Variants in FNBP1 observed in about 807,000 individuals in gnomAD.
FNBP1 encodes formin-binding protein 1.
In FNBP1, 26 loss-of-function variants were observed where a neutral mutation model predicts 90.6. That is an observed-to-expected ratio of 0.29 (90% confidence interval 0.21 to 0.40). The LOEUF (loss-of-function observed/expected upper bound fraction) is 0.40, where lower values mean the gene tolerates loss of function less well. Among genes scored for constraint, FNBP1 ranks in the 10% least tolerant of loss-of-function variants. The pLI, the probability that FNBP1 is intolerant of heterozygous loss-of-function variation, is 1.00. For missense variants in FNBP1, 635 were observed against 768.0 expected, an observed-to-expected ratio of 0.83 and a Z score of 2.05; for synonymous variants, 260 against 265.2, an observed-to-expected ratio of 0.98 and a Z score of 0.19.
intron 2 of FNBP1, among the ~76,000 whole-genome samples, chr9:129,994,001 C>T (rs7033590): frequency 0.97 from 147,508 of 152,270 alleles, 71,632 homozygotes; most frequent in East Asian, 1. Flanking sequence ...TACAAGCACA[C>T]TGGAAATGGC....
chr9:129,942,932 A>G (rs2044550482), intron 6 of FNBP1, among the ~76,000 whole-genome samples: 1 of 151,592 alleles, frequency 6.6e-6, no homozygotes, highest in Admixed American at 6.6e-5. Context: ...GGCTCAAGCA[A>G]TCCTCCTGCC....
intron 2 of FNBP1, among the ~76,000 whole-genome samples, chr9:129,981,050 C>CA (rs71385498): frequency 5.6e-4 from 67 of 120,464 alleles, no homozygotes; most frequent in African/African-American, 1.7e-3. Context: ...GACTCCGTCT[C>CA]AAAAAAAAAA....
At position 130,012,589 on chromosome 9, in the gene FNBP1, A is replaced by G. The variant is rs190509707; in HGVS notation, c.25-17631T>C. Among the ~76,000 whole-genome samples, 334 of 152,284 alleles carry G rather than the reference A, an allele frequency of 2.2e-3. 1 individual carries two copies. Among genetic ancestry groups the G allele is most frequent in the Non-Finnish European group, 4.2e-3 (287 of 68,014 alleles). Reference sequence around the variant, plus strand: ...GGCTATAAAACTTTTAGGAGACAATATAGGATAATATCTTTTGGATCCTGA... The same window carrying G: ...GGCTATAAAACTTTTAGGAGACAATGTAGGATAATATCTTTTGGATCCTGA... On this transcript the variant is annotated intron_variant, in intron 1 of 16. Coordinates refer to ENST00000446176, the MANE Select transcript of FNBP1 (RefSeq NM_015033.3).
At chr9:130,019,013 T>C (rs2057540833) in intron 1 of FNBP1, among the ~76,000 whole-genome samples, 1 of 152,008 alleles carries the variant, frequency 6.6e-6, no homozygotes, top group Non-Finnish European at 1.5e-5. Flanking sequence ...TCGCCTGAGC[T>C]CATAAGTTCA....
intron 12 of FNBP1, among the ~76,000 whole-genome samples, chr9:129,908,448 T>G (rs944651557): frequency 2.0e-5 from 3 of 149,064 alleles, no homozygotes; most frequent in African/African-American, 7.4e-5. Flanking sequence ...CAAGCGATCT[T>G]CCTGCCTCAG....
chr9:129,929,267 G>A (rs1482869774), intron 7 of FNBP1, among the ~76,000 whole-genome samples: 3 of 151,588 alleles, frequency 2.0e-5, no homozygotes, highest in Admixed American at 6.6e-5. Flanking sequence ...AAAATTAGCC[G>A]GGCCCAGTGG....
intron 2 of FNBP1, among the ~76,000 whole-genome samples, chr9:129,992,846 C>G (rs1021788798): frequency 6.7e-6 from 1 of 150,004 alleles, no homozygotes; most frequent in Admixed American, 6.6e-5. Context: ...GCCACTGCGC[C>G]CAGCCAAGAA....
intron 6 of FNBP1, among the ~76,000 whole-genome samples, chr9:129,951,664 C>G (rs1256046368): frequency 6.6e-6 from 1 of 151,864 alleles, no homozygotes; most frequent in Admixed American, 6.6e-5. Flanking sequence ...AGGCTTGTCT[C>G]AAACTCCTGG....
rs755578894 is a variant in FNBP1, at chr9:129,916,022, AAGAG to A, written c.1171-46_1171-43del. ...GAGAGGTATGGGAAAAATAGAGAGA[AAGAG>A]AGAGAGAAAGAGAAAAAAAAACAAC... On this transcript the variant is annotated intron_variant, in intron 10 of 16. Transcript: ENST00000446176. The A allele has an allele frequency of 8.8e-6, 13 of 1,480,094 alleles. No homozygotes were observed. In the South Asian group the frequency reaches 1.4e-4, roughly 16 times the overall value. 91.7% of individuals were successfully genotyped at this position (1,480,094 alleles called of 1,614,324 possible).
At chr9:129,970,957 G>A (rs924539945) in intron 4 of FNBP1, among the ~76,000 whole-genome samples, 1 of 152,078 alleles carries the variant, frequency 6.6e-6, no homozygotes, top group Non-Finnish European at 1.5e-5. Flanking sequence ...TGCAATCTTG[G>A]CTCACTGCAA....
intron 1 of FNBP1, among the ~76,000 whole-genome samples, chr9:130,027,638 A>G (rs2058462546): frequency 6.6e-6 from 1 of 152,132 alleles, no homozygotes; most frequent in Non-Finnish European, 1.5e-5. Context: ...TCTCTGCTCC[A>G]TCATTGCTGA....
At chr9:130,051,948 A>C in the FNBP1 span, among the ~76,000 whole-genome samples, 1 of 152,192 alleles carries the variant, frequency 6.6e-6, no homozygotes, top group East Asian at 1.9e-4. Flanking sequence ...TCCCTTTGAA[A>C]ATGTTGCCAG....
At chr9:129,908,387 T>C (rs1188056714) in intron 12 of FNBP1, among the ~76,000 whole-genome samples, 4 of 150,060 alleles carry the variant, frequency 2.7e-5, no homozygotes, top group East Asian at 2.0e-4. Context: ...TCTTTTTTTT[T>C]TTTTTAGGGT....
At chr9:129,999,271 G>A (rs1223447596) in intron 1 of FNBP1, among the ~76,000 whole-genome samples, 1 of 152,122 alleles carries the variant, frequency 6.6e-6, no homozygotes, top group Non-Finnish European at 1.5e-5. Flanking sequence ...ACATCACGGT[G>A]GTTCTGGGGG....
At chr9:130,037,248 G>A (rs2132315822) in intron 1 of FNBP1, among the ~76,000 whole-genome samples, 1 of 151,940 alleles carries the variant, frequency 6.6e-6, no homozygotes, top group East Asian at 1.9e-4. Flanking sequence ...CAGCTACTCA[G>A]GAGGCTGAGG....
intron 2 of FNBP1, among the ~76,000 whole-genome samples, chr9:129,988,474 T>C (rs1482328712): frequency 6.6e-6 from 1 of 152,032 alleles, no homozygotes; most frequent in African/African-American, 2.4e-5. Context: ...GTCAGGAGTC[T>C]AGGACCAGCC....
At chr9:129,921,158 T>A (rs2041019907) in intron 10 of FNBP1, among the ~76,000 whole-genome samples, 2 of 152,210 alleles carry the variant, frequency 1.3e-5, no homozygotes, top group African/African-American at 4.8e-5. Context: ...ACTATAAATT[T>A]GAGATTCTCA....
chr9:130,032,319 C>G (rs1362416240), intron 1 of FNBP1, among the ~76,000 whole-genome samples: 3 of 152,036 alleles, frequency 2.0e-5, no homozygotes, highest in African/African-American at 7.2e-5. Flanking sequence ...TACAGGCATG[C>G]ACCACTATGC....
At chr9:130,050,966 TCTGGGCTCA>T in the FNBP1 span, among the ~76,000 whole-genome samples, 1 of 151,414 alleles carries the variant, frequency 6.6e-6, no homozygotes, top group Non-Finnish European at 1.5e-5. Flanking sequence ...AATGGTACAA[TCTGGGCTCA>T]CTGTAACCTC....
Sources: gnomAD v4.1 joint callset for allele counts (sites outside exome capture counted in the v4.1 genomes callset) on GRCh38, gnomAD v4.1.1 for gene constraint, MANE v1.5 for transcripts, NCBI Gene and HGNC (gene_info 2026-07-23, HGNC 2026-07-21) for gene names.